The following GANC variants were observed in gnomAD, a reference collection of about 807,000 sequenced individuals.
GANC encodes glucosidase alpha, neutral C, also known as neutral alpha-glucosidase C.
GANC carries 117 observed loss-of-function variants against 124.2 expected under a neutral mutation model. That is an observed-to-expected ratio of 0.94 (90% CI 0.81 to 1.10). The LOEUF (loss-of-function observed/expected upper bound fraction) is 1.10. GANC is among the 50% of genes least tolerant of loss of function. The pLI is 0.00. For synonymous variants in GANC, 377 were observed against 376.8 expected, an observed-to-expected ratio of 1.00 and a Z score of -0.01; for missense variants, 1,140 against 1,095.0, an observed-to-expected ratio of 1.04 and a Z score of -0.58.
At chr15:42,332,300 A>G (rs1262054889) in intron 15 of GANC, among the ~76,000 whole-genome samples, 2 of 152,174 alleles carry the variant, frequency 1.3e-5, no homozygotes, top group Non-Finnish European at 2.9e-5. Context: ...TTATTTTACA[A>G]ATTGTCTACA....
chr15:42,339,984 G>T (rs1195154922), intron 17 of GANC, 72 bp downstream of exon 17: 8 of 1,500,668 alleles, frequency 5.3e-6, no homozygotes, highest in Non-Finnish European at 6.3e-6. Context: ...ATTAAAGAAT[G>T]CAATAATTAC....
chr15:42,331,883 TAAA>T (rs748496732), intron 15 of GANC, among the ~76,000 whole-genome samples: 5 of 152,080 alleles, frequency 3.3e-5, no homozygotes, highest in East Asian at 3.9e-4. Flanking sequence ...ATATGATAAA[TAAA>T]AAAAGGAACA....
Position 42,330,575 on chromosome 15 carries a change from G to A in GANC, c.1645-1G>A, listed in dbSNP as rs1285558498. On this transcript the variant is annotated splice_acceptor_variant, in intron 14 of 23. Transcript: ENST00000318010. LOFTEE classifies it high-confidence loss of function. ...GAAATTTTTCTTGTTTGGTGATATA[G>A]CAAATGGCTACTGCAGAAGGACTGA... 8.1e-6 allele frequency: 13 copies of A among 1,610,570 alleles called. No individual in the cohort carries two copies. Among genetic ancestry groups the A allele is most frequent in the Non-Finnish European group, 1.0e-5 (12 of 1,177,592 alleles).
At chr15:42,285,539 A>C (rs539375685) in intron 3 of GANC, among the ~76,000 whole-genome samples, 1 of 152,332 alleles carries the variant, frequency 6.6e-6, no homozygotes, top group South Asian at 2.1e-4. Context: ...TCATACTTGT[A>C]ATCCCAGCAC....
intron 15 of GANC, among the ~76,000 whole-genome samples, chr15:42,335,195 A>C (rs2052274833): frequency 6.6e-6 from 1 of 152,220 alleles, no homozygotes; most frequent in Admixed American, 6.5e-5. Context: ...TCCTCGATGA[A>C]CATTGATGCA....
At chr15:42,301,028 A>G (rs573538816) in intron 6 of GANC, among the ~76,000 whole-genome samples, 34 of 151,014 alleles carry the variant, frequency 2.3e-4, no homozygotes, top group African/African-American at 7.8e-4. Context: ...CAAAAAAAAA[A>G]AAAGAAAGAA....
chr15:42,317,024 T>C (rs1281582562), intron 10 of GANC, among the ~76,000 whole-genome samples: 2 of 152,248 alleles, frequency 1.3e-5, no homozygotes, highest in Non-Finnish European at 2.9e-5. Context: ...CATGATCATC[T>C]CTATATCTAA....
At chr15:42,277,529 TA>T (rs76243637) in intron 2 of GANC, among the ~76,000 whole-genome samples, 547 of 138,904 alleles carry the variant, frequency 3.9e-3, no homozygotes, top group Admixed American at 4.7e-3. Flanking sequence ...AAACTCCGTC[TA>T]AAAAAAAAAA....
At chr15:42,281,424 CTA>C (rs1566948758) in intron 3 of GANC, among the ~76,000 whole-genome samples, 1 of 84,880 alleles carries the variant, frequency 1.2e-5, no homozygotes, top group African/African-American at 2.9e-5. Flanking sequence ...TGGCTCACAC[CTA>C]TAATCCCAGC....
At chr15:42,338,006 G>A (rs1384565211) in intron 15 of GANC, among the ~76,000 whole-genome samples, 1 of 151,982 alleles carries the variant, frequency 6.6e-6, no homozygotes, top group Non-Finnish European at 1.5e-5. Flanking sequence ...AGGTTGCAGT[G>A]AGCCGAGATC....
intron 4 of GANC, among the ~76,000 whole-genome samples, chr15:42,289,837 TA>T (rs1230494686): frequency 6.6e-6 from 1 of 152,154 alleles, no homozygotes; most frequent in African/African-American, 2.4e-5. Flanking sequence ...GTAAATAAGT[TA>T]AAATGGGATG....
chr15:42,327,256 T>A (rs2141061620), intron 12 of GANC, 107 bp from the exon 13 acceptor site: 1 of 765,632 alleles, frequency 1.3e-6, no homozygotes, highest in East Asian at 2.7e-5. Context: ...TTCGTGTTTA[T>A]GTAAGGTGCC....
chr15:42,292,969 T>G (rs1566951154), intron 5 of GANC, 52 bp downstream of exon 5: 1 of 1,516,218 alleles, frequency 6.6e-7, no homozygotes, highest in African/African-American at 1.4e-5. Context: ...ACCTGGTTAA[T>G]GAATATCAGT....
intron 5 of GANC, among the ~76,000 whole-genome samples, chr15:42,296,328 C>T (rs1006114599): frequency 2.0e-5 from 3 of 152,006 alleles, no homozygotes; most frequent in African/African-American, 4.8e-5. Context: ...TCAGAGGTAA[C>T]CAGTTTACTA....
At chr15:42,283,240 C>T (rs1465364641) in intron 3 of GANC, among the ~76,000 whole-genome samples, 3 of 152,190 alleles carry the variant, frequency 2.0e-5, no homozygotes, top group African/African-American at 7.2e-5. Flanking sequence ...CATAAGTTTT[C>T]TCACATAGGG....
intron 15 of GANC, among the ~76,000 whole-genome samples, chr15:42,333,419 G>A (rs528866622): frequency 2.5e-4 from 38 of 151,956 alleles, no homozygotes; most frequent in Middle Eastern, 3.4e-3. Context: ...AAACTATTTT[G>A]GTAGAAGATA....
At chr15:42,316,480 A>T (rs2052104006) in intron 10 of GANC, among the ~76,000 whole-genome samples, 1 of 152,190 alleles carries the variant, frequency 6.6e-6, no homozygotes, top group African/African-American at 2.4e-5. Flanking sequence ...TAGGCAGCCA[A>T]AGCAGAGAGG....
intron 11 of GANC, among the ~76,000 whole-genome samples, chr15:42,325,393 TAA>T (rs1210537108): frequency 6.6e-6 from 1 of 152,192 alleles, no homozygotes; most frequent in East Asian, 1.9e-4. Flanking sequence ...TCTGGCCAAA[TAA>T]AGTGTTATTG....
chr15:42,326,229 G>A (rs572655422), intron 11 of GANC, 69 bp from the exon 12 acceptor site: 44 of 1,130,214 alleles, frequency 3.9e-5, no homozygotes, highest in Middle Eastern at 2.0e-4. Context: ...AAACTATGGC[G>A]AAAACATATA....
Sources: allele counts gnomAD v4.1 joint callset (sites outside exome capture counted in the v4.1 genomes callset), GRCh38; gene constraint gnomAD v4.1.1; transcripts MANE v1.5; gene names NCBI Gene and HGNC (gene_info 2026-07-23, HGNC 2026-07-21).